The following METTL16 variants were observed in gnomAD, a reference collection of about 807,000 sequenced individuals.
METTL16 encodes RNA N(6)-adenosine-methyltransferase METTL16.
Under a neutral mutation model 57.9 loss-of-function variants are expected in METTL16, and 19 were observed. The observed-to-expected ratio is 0.33, with a 90% CI of 0.23 to 0.48. The LOEUF (loss-of-function observed/expected upper bound fraction) is 0.48, where lower values mean the gene tolerates loss of function less well. Ranked by LOEUF, METTL16 falls within the 20% of genes least tolerant of loss-of-function variation. The pLI, the probability that METTL16 is intolerant of heterozygous loss-of-function variation, is 0.99. For missense variants in METTL16, 434 were observed against 691.5 expected (o/e 0.63, Z 4.18); for synonymous variants, 246 against 255.6 (o/e 0.96, Z 0.36).
intron 6 of METTL16, among the ~76,000 whole-genome samples, chr17:2,454,212 T>G (rs2067091939): frequency 6.6e-6 from 1 of 152,168 alleles, no homozygotes; most frequent in African/African-American, 2.4e-5. Flanking sequence ...AAAAAACTTT[T>G]TTTCCCCTCA....
At chr17:2,441,208 C>T (rs78080755) in intron 7 of METTL16, among the ~76,000 whole-genome samples, 14 of 152,170 alleles carry the variant, frequency 9.2e-5, no homozygotes, top group African/African-American at 3.1e-4. Flanking sequence ...ACAAATACCA[C>T]GTGTTCTTAC....
At chr17:2,455,810 C>T (rs2067105979) in intron 6 of METTL16, among the ~76,000 whole-genome samples, 1 of 151,914 alleles carries the variant, frequency 6.6e-6, no homozygotes, top group Non-Finnish European at 1.5e-5. Flanking sequence ...GGCAAAACCC[C>T]ATCTCTACAA....
chr17:2,483,534 A>G (rs752310156), intron 2 of METTL16, among the ~76,000 whole-genome samples: 1 of 152,188 alleles, frequency 6.6e-6, no homozygotes, highest in Non-Finnish European at 1.5e-5. Context: ...TCAGAATTGG[A>G]TATGTATTAA....
chr17:2,456,500 G>C (rs1056101583), intron 6 of METTL16, among the ~76,000 whole-genome samples: 1 of 152,126 alleles, frequency 6.6e-6, no homozygotes, highest in Non-Finnish European at 1.5e-5. Context: ...ACTGAGACAG[G>C]GTCTCGTTCT....
At chr17:2,437,967 G>C in intron 8 of METTL16, 142 bp downstream of exon 8, 1 of 645,846 alleles carries the variant, frequency 1.5e-6, no homozygotes, top group South Asian at 1.7e-5. Flanking sequence ...ACTGTGTCTT[G>C]GTTACAACCC....
intron 6 of METTL16, among the ~76,000 whole-genome samples, chr17:2,452,015 TG>T (rs1391496322): frequency 5.3e-5 from 8 of 151,596 alleles, no homozygotes; most frequent in African/African-American, 1.9e-4. Flanking sequence ...TGCATGCCTG[TG>T]GTCCCAGCTA....
At chr17:2,470,860 A>T (rs550561002) in intron 4 of METTL16, among the ~76,000 whole-genome samples, 1 of 152,340 alleles carries the variant, frequency 6.6e-6, no homozygotes, top group Admixed American at 6.5e-5. Flanking sequence ...AGCTATTGAT[A>T]AACTAATTGT....
At chr17:2,454,563 A>ATTTTTTTTT (rs5818860) in intron 6 of METTL16, among the ~76,000 whole-genome samples, 3 of 126,250 alleles carry the variant, frequency 2.4e-5, no homozygotes, top group African/African-American at 6.3e-5. Context: ...TATTATTATT[A>ATTTTTTTTT]TTTTTTTTTT....
At chr17:2,464,170 T>C (rs1180781805) in intron 6 of METTL16, 38 bp downstream of exon 6, 1 of 1,591,448 alleles carries the variant, frequency 6.3e-7, no homozygotes, top group Middle Eastern at 1.7e-4. Flanking sequence ...TATTCCTGTG[T>C]TGTAAAGATG....
intron 1 of METTL16, among the ~76,000 whole-genome samples, chr17:2,507,791 C>A (rs1597477512): frequency 6.6e-6 from 1 of 152,212 alleles, no homozygotes; most frequent in Non-Finnish European, 1.5e-5. Flanking sequence ...AAGAAAAATT[C>A]TTCTGCCTTG....
At chr17:2,498,279 G>A (rs2067461205) in intron 2 of METTL16, among the ~76,000 whole-genome samples, 1 of 151,092 alleles carries the variant, frequency 6.6e-6, no homozygotes, top group African/African-American at 2.5e-5. Flanking sequence ...GGGCATGGTG[G>A]CATGTGCCTG....
chr17:2,431,891 T>C (rs1012109051), intron 8 of METTL16, among the ~76,000 whole-genome samples: 3 of 151,916 alleles, frequency 2.0e-5, no homozygotes, highest in Admixed American at 6.6e-5. Context: ...ATAACAATAA[T>C]AACAAGGAGA....
chr17:2,498,210 G>C (rs2067460807), intron 2 of METTL16, among the ~76,000 whole-genome samples: 1 of 143,590 alleles, frequency 7.0e-6, no homozygotes, highest in African/African-American at 2.7e-5. Context: ...AAAAGAGATC[G>C]AGACCATCCT....
chr17:2,429,044 G>C (rs959971464), intron 8 of METTL16, among the ~76,000 whole-genome samples: 2 of 151,818 alleles, frequency 1.3e-5, no homozygotes. Context: ...TTTTAGTAGA[G>C]ACAGGGTTTC....
At position 2,446,974 on chromosome 17, in the gene METTL16, C is replaced by T. The variant is rs1404740031; in HGVS notation, c.729-5415G>A. On this transcript the variant is annotated intron_variant, in intron 6 of 9. Transcript: ENST00000263092. ...CGCCTGCCTTGGCCCCCCAAAGTGC[C>T]GAGATTGCAGCCTCTGCCCAGCCGC... 4.6e-5 allele frequency among the ~76,000 whole-genome samples: 7 copies of T among 151,394 alleles called. No individual in the cohort carries two copies. The South Asian group carries it at 1.5e-3, about 32-fold the overall frequency.
In METTL16 at chr17:2,464,142, A is replaced by G; in HGVS notation, c.728+66T>C. ...TGTCCCCCGCCACCAAAAAAAAGAG[A>G]ACTACATAGCGGGTAAATATTCCTG... On this transcript the variant is annotated intron_variant, in intron 6 of 9. Transcript: ENST00000263092. The G allele has an allele frequency of 3.3e-6, 5 of 1,505,864 alleles. No homozygotes were observed. The South Asian group carries it at 6.4e-5, about 19-fold the overall frequency. The allele number at this position is 1,505,864 out of a possible 1,614,324, so 93.3% of individuals were successfully genotyped here.
At chr17:2,427,474 T>C (rs573302413) in intron 8 of METTL16, among the ~76,000 whole-genome samples, 1 of 152,134 alleles carries the variant, frequency 6.6e-6, no homozygotes, top group African/African-American at 2.4e-5. Flanking sequence ...CAAAAAAGAA[T>C]TGTAAAAGTA....
intron 2 of METTL16, among the ~76,000 whole-genome samples, chr17:2,495,694 C>CAA (rs58828846): frequency 1.4e-4 from 16 of 114,780 alleles, no homozygotes; most frequent in African/African-American, 3.4e-4. Context: ...GACTCTGTCT[C>CAA]AAAAAAAAAA....
At chr17:2,441,656 C>A in intron 6 of METTL16, 97 bp from the exon 7 acceptor site, 1 of 640,476 alleles carries the variant, frequency 1.6e-6, no homozygotes, top group Non-Finnish European at 2.4e-6. Flanking sequence ...CAGTAACAAA[C>A]AAACATTGAG....
Sources: gnomAD v4.1 joint callset for allele counts (sites outside exome capture counted in the v4.1 genomes callset) on GRCh38, gnomAD v4.1.1 for gene constraint, MANE v1.5 for transcripts, NCBI Gene and HGNC (gene_info 2026-07-23, HGNC 2026-07-21) for gene names.